GRM5: variants seen among roughly 807,000 people sequenced by gnomAD.
The protein encoded by GRM5 is metabotropic glutamate receptor 5.
GRM5 carries 19 observed loss-of-function variants against 83.1 expected under a neutral mutation model. That is an observed-to-expected ratio of 0.23 (90% CI 0.16 to 0.34). GRM5 has a LOEUF of 0.34. Ranked by LOEUF, GRM5 falls within the 10% of genes least tolerant of loss-of-function variation. The probability of loss-of-function intolerance (pLI) is 1.00; values close to 1 mark genes in which losing one functional copy is unlikely to be tolerated. For synonymous variants in GRM5, 675 were observed against 633.6 expected (o/e 1.07, Z -0.98); for missense variants, 1,160 against 1,588.3 (o/e 0.73, Z 4.58).
chr11:88,993,055 TAA>T (rs1174832416), intron 2 of GRM5, among the ~76,000 whole-genome samples: 1 of 148,754 alleles, frequency 6.7e-6, no homozygotes, highest in Non-Finnish European at 1.5e-5. Context: ...AAAAAATAAA[TAA>T]AAAAAAAGAT....
intron 3 of GRM5, among the ~76,000 whole-genome samples, chr11:88,667,543 T>C (rs1940075074): frequency 6.6e-6 from 1 of 151,978 alleles, no homozygotes; most frequent in Non-Finnish European, 1.5e-5. Flanking sequence ...CCTCCAAAAC[T>C]AGAGGTCATA....
intron 2 of GRM5, among the ~76,000 whole-genome samples, chr11:88,881,152 A>G (rs1285701697): frequency 6.6e-6 from 1 of 151,664 alleles, no homozygotes; most frequent in Non-Finnish European, 1.5e-5. Context: ...AAATTTAAAA[A>G]AAAAATATTA....
intron 3 of GRM5, among the ~76,000 whole-genome samples, chr11:88,818,814 T>C (rs1465253604): frequency 6.6e-6 from 1 of 152,158 alleles, no homozygotes; most frequent in African/African-American, 2.4e-5. Flanking sequence ...ATTTCAATTT[T>C]ATGCAAAGGG....
chr11:88,570,569 ATATTTTTTTTT>A (rs1377329588), intron 7 of GRM5, among the ~76,000 whole-genome samples: 4 of 73,874 alleles, frequency 5.4e-5, no homozygotes, highest in African/African-American at 3.4e-4. Context: ...ATATATATAT[ATATTTTTTTTT>A]TTTTTTTTTT....
intron 2 of GRM5, among the ~76,000 whole-genome samples, chr11:89,000,498 C>T (rs1445362420): frequency 1.3e-5 from 2 of 152,086 alleles, no homozygotes; most frequent in Admixed American, 6.6e-5. Context: ...AGTAAGTCAT[C>T]ATCAGTGGGC....
chr11:88,741,008 A>T (rs1008184866), intron 3 of GRM5, among the ~76,000 whole-genome samples: 8 of 152,006 alleles, frequency 5.3e-5, no homozygotes, highest in Admixed American at 4.6e-4. Flanking sequence ...GTAGATTAGG[A>T]TTGTATACTA....
At chr11:88,927,670 C>T (rs753842434) in intron 2 of GRM5, among the ~76,000 whole-genome samples, 1 of 152,038 alleles carries the variant, frequency 6.6e-6, no homozygotes, top group Non-Finnish European at 1.5e-5. Flanking sequence ...TTATGAACTC[C>T]AAGCTAAAGG....
chr11:88,830,334 AAATAAAAGTG>A (rs1186756422), intron 3 of GRM5, among the ~76,000 whole-genome samples: 3,863 of 151,788 alleles, frequency 0.025, 171 homozygotes, highest in African/African-American at 0.089. Flanking sequence ...AATATATTTA[AAATAAAAGTG>A]AGAGAGAGAG....
intron 2 of GRM5, among the ~76,000 whole-genome samples, chr11:89,030,477 C>T (rs902037361): frequency 6.6e-6 from 1 of 152,024 alleles, no homozygotes; most frequent in Admixed American, 6.6e-5. Flanking sequence ...TTGATAAATA[C>T]GTTCTTTTAT....
At chr11:88,787,131 ATGTGTGTG>A (rs57116541) in intron 3 of GRM5, among the ~76,000 whole-genome samples, 2,312 of 143,374 alleles carry the variant, frequency 0.016, 40 homozygotes, top group African/African-American at 0.041. Flanking sequence ...ATATGATATG[ATGTGTGTG>A]TGTGTGTGTG....
At position 88,762,067 on chromosome 11, in the gene GRM5, T is replaced by A. The variant is rs1162867031; in HGVS notation, c.911+87839A>T. On this transcript the variant is annotated intron_variant, in intron 3 of 9. Coordinates refer to ENST00000305447, the MANE Select transcript of GRM5 (RefSeq NM_001143831.3). ...ACTCAAGATGGATTAAATACTTAAA[T>A]GTAAAACCCCAAAAACCTTGGAATA... Among the ~76,000 whole-genome samples the A allele has an allele frequency of 2.0e-5, 3 of 151,526 alleles. 1 individual carries two copies. The highest frequency in any genetic ancestry group is 4.1e-4 in the South Asian group (2 of 4,820).
chr11:88,695,176 A>G (rs1591445786), intron 3 of GRM5, among the ~76,000 whole-genome samples: 1 of 152,232 alleles, frequency 6.6e-6, no homozygotes, highest in South Asian at 2.1e-4. Flanking sequence ...TCCATCAAAT[A>G]TATTTTCAGA....
intron 2 of GRM5, among the ~76,000 whole-genome samples, chr11:89,002,813 T>TC (rs1159671425): frequency 3.3e-5 from 5 of 151,860 alleles, no homozygotes; most frequent in South Asian, 2.1e-4. Flanking sequence ...TCAGAATGCT[T>TC]CCCCCCCAGA....
intron 3 of GRM5, among the ~76,000 whole-genome samples, chr11:88,732,722 A>G (rs1941832551): frequency 6.6e-6 from 1 of 152,064 alleles, no homozygotes; most frequent in African/African-American, 2.4e-5. Flanking sequence ...ATTAAGGGTT[A>G]GTGGAGTGAA....
At chr11:88,983,848 G>A (rs1939604325) in intron 2 of GRM5, among the ~76,000 whole-genome samples, 1 of 152,016 alleles carries the variant, frequency 6.6e-6, no homozygotes, top group Non-Finnish European at 1.5e-5. Context: ...AGTGAGAAAA[G>A]TGGAAGACAG....
chr11:89,021,766 T>G (rs1381773014), intron 2 of GRM5, among the ~76,000 whole-genome samples: 1 of 152,166 alleles, frequency 6.6e-6, no homozygotes, highest in Admixed American at 6.5e-5. Flanking sequence ...GTTGTCAGAG[T>G]CTCAGTTTGT....
Position 88,617,916 on chromosome 11 carries a change from C to T in GRM5, c.1148-12952G>A, listed in dbSNP as rs141635596. Among the ~76,000 whole-genome samples, 4 of 152,186 alleles carry T rather than the reference C, an allele frequency of 2.6e-5. No individual in the cohort carries two copies. In the East Asian group the frequency reaches 7.7e-4, roughly 29 times the overall value. ...GGAGTGGGACAGGGAGACAGTAGGG[C>T]AGTGAGGTGGGGAGTGCTAAGAAAG... On this transcript the variant is annotated intron_variant, in intron 4 of 9. Coordinates refer to ENST00000305447, the MANE Select transcript of GRM5 (RefSeq NM_001143831.3).
intron 2 of GRM5, among the ~76,000 whole-genome samples, chr11:88,980,234 C>T (rs971292683): frequency 2.0e-5 from 3 of 152,100 alleles, no homozygotes; most frequent in African/African-American, 7.2e-5. Flanking sequence ...ATTACCTACT[C>T]AATTAAAATG....
At chr11:88,921,912 A>T (rs994518813) in intron 2 of GRM5, among the ~76,000 whole-genome samples, 22 of 130,028 alleles carry the variant, frequency 1.7e-4, no homozygotes, top group Non-Finnish European at 3.6e-4. Flanking sequence ...ATACCAAATA[A>T]AAATACAAAA....
Sources: gnomAD v4.1 joint callset for allele counts (sites outside exome capture counted in the v4.1 genomes callset) on GRCh38, gnomAD v4.1.1 for gene constraint, MANE v1.5 for transcripts, NCBI Gene and HGNC (gene_info 2026-07-23, HGNC 2026-07-21) for gene names.